ARID3B: variants seen among roughly 807,000 people sequenced by gnomAD.
The protein encoded by ARID3B is AT-rich interaction domain 3B.
In ARID3B, 10 loss-of-function variants were observed where a neutral mutation model predicts 51.9. The observed-to-expected ratio is 0.19, with a 90% confidence interval of 0.12 to 0.33. The LOEUF (loss-of-function observed/expected upper bound fraction) is 0.33, where lower values mean the gene tolerates loss of function less well. Among genes scored for constraint, ARID3B ranks in the 10% least tolerant of loss-of-function variants. The probability of loss-of-function intolerance (pLI) is 1.00; values close to 1 mark genes in which losing one functional copy is unlikely to be tolerated. For missense variants in ARID3B, 483 were observed against 716.3 expected (o/e 0.67, Z 3.72); for synonymous variants, 205 against 279.5 (o/e 0.73, Z 2.66).
At chr15:74,572,521 C>T (rs889139392) in intron 2 of ARID3B, among the ~76,000 whole-genome samples, 6 of 152,188 alleles carry the variant, frequency 3.9e-5, no homozygotes, top group East Asian at 3.8e-4. Context: ...GGCGATCAGC[C>T]GGGAATGAGC....
rs2061724432 is a variant in ARID3B at position 74,572,952 on chromosome 15, G to A, written c.624+19G>A. 6.2e-7 allele frequency: 1 copy of A among 1,613,676 alleles called. No individual in the cohort carries two copies. The highest frequency in any genetic ancestry group is 1.7e-5 in the Admixed American group (1 of 60,004). On this transcript the variant is annotated intron_variant, in intron 3 of 8. Transcript: ENST00000346246. ...TGCCAAGGTCTGTAATACTTCCTTT[G>A]TGATACAGATAGGGGCAGTTCTGCA...
At chr15:74,580,830 G>A (rs2061759488) in intron 4 of ARID3B, among the ~76,000 whole-genome samples, 10 of 152,230 alleles carry the variant, frequency 6.6e-5, no homozygotes, top group Admixed American at 6.5e-4. Context: ...CTCCAAGAGG[G>A]TGGTGGCCTG....
intron 8 of ARID3B, among the ~76,000 whole-genome samples, chr15:74,594,181 G>C (rs554495869): frequency 1.3e-5 from 2 of 152,210 alleles, no homozygotes; most frequent in Non-Finnish European, 2.9e-5. Flanking sequence ...GGGCGCGGTG[G>C]CTCACGCCTG....
intron 4 of ARID3B, among the ~76,000 whole-genome samples, chr15:74,589,250 C>T (rs370093509): frequency 2.0e-4 from 31 of 151,868 alleles, no homozygotes; most frequent in East Asian, 5.8e-4. Flanking sequence ...AGGATGGTCT[C>T]GATCTCCTGA....
Position 74,598,126 on chromosome 15 carries a change from A to T in ARID3B, c.*2352A>T. ...TATTTCAATAAACCTCTACCTCTTC[A>T]CACAAGCAGGTCTCTCTCAGTTGCT... On this transcript the variant is annotated 3_prime_UTR_variant, in exon 9 of 9. Coordinates refer to ENST00000346246, the MANE Select transcript of ARID3B (RefSeq NM_006465.4). 2.2e-6 allele frequency: 1 copy of T among 464,268 alleles called. No homozygotes were observed. The highest frequency in any genetic ancestry group is 4.3e-6 in the Non-Finnish European group (1 of 234,416). The allele number at this position is 464,268 out of a possible 1,614,324, so 28.8% of individuals were successfully genotyped here. A position where few individuals can be genotyped will look rare whatever the true frequency, so the allele number is the denominator to read the frequency against.
At chr15:74,578,425 T>C (rs1008676591) in intron 4 of ARID3B, among the ~76,000 whole-genome samples, 1 of 152,160 alleles carries the variant, frequency 6.6e-6, no homozygotes, top group African/African-American at 2.4e-5. Context: ...TCCGCCCGCG[T>C]CGGCCTCCTA....
At chr15:74,563,915 G>A (rs1259863708) in intron 2 of ARID3B, among the ~76,000 whole-genome samples, 1 of 152,152 alleles carries the variant, frequency 6.6e-6, no homozygotes, top group African/African-American at 2.4e-5. Flanking sequence ...TCTGTGCTTA[G>A]TGGAAAGGTG....
chr15:74,564,800 C>T (rs889153250), intron 2 of ARID3B, among the ~76,000 whole-genome samples: 29 of 151,864 alleles, frequency 1.9e-4, no homozygotes, highest in Admixed American at 4.6e-4. Flanking sequence ...TGGGGTTTCA[C>T]CATGTTGCCA....
chr15:74,572,907 A>G lies in ARID3B; in HGVS notation c.598A>G (p.Arg200Gly). The G allele has an allele frequency of 1.6e-5, 26 of 1,614,210 alleles. No homozygotes were observed. The highest frequency in any genetic ancestry group is 2.2e-5 in the Non-Finnish European group (26 of 1,180,040). The change falls in exon 3 of 9, where the codon AGA (arginine) becomes GGA (glycine). Residue 200 changes from arginine to glycine, a missense_variant. Physicochemically the swap from Arg to Gly is moderately radical, Grantham distance 125. Transcript: ENST00000346246. ...WSDDADGGRG[R>G]EISRDFAKLY... ...TGATGATGCAGATGGAGGCCGGGGA[A>G]GAGAGATCTCTCGAGATTTTGCCAA...
chr15:74,585,698 T>C (rs1460953783), intron 4 of ARID3B, among the ~76,000 whole-genome samples: 2 of 152,242 alleles, frequency 1.3e-5, no homozygotes, highest in Non-Finnish European at 2.9e-5. Context: ...AGTCTGTCGA[T>C]TGCCTATTGG....
Position 74,591,023 on chromosome 15 carries a change from C to T in ARID3B, c.882-128C>T. ...ATCCCAGACTTTTCTGCCAAGTATA[C>T]CAAGGTTGCAATCCTTTGCCCTAGA... On this transcript the variant is annotated intron_variant, in intron 5 of 8. Transcript: ENST00000346246. The surrounding 1 kb of genome is among the most constrained non-coding windows in gnomAD (Gnocchi z 5.8). The T allele has an allele frequency of 7.1e-7, 1 of 1,417,372 alleles. No individual in the cohort carries two copies. Among genetic ancestry groups the T allele is most frequent in the Non-Finnish European group, 9.5e-7 (1 of 1,054,228 alleles). 87.8% of individuals were successfully genotyped at this position (1,417,372 alleles called of 1,614,324 possible).
At chr15:74,548,443 C>T (rs2061623798) in intron 2 of ARID3B, among the ~76,000 whole-genome samples, 1 of 152,172 alleles carries the variant, frequency 6.6e-6, no homozygotes, top group Admixed American at 6.5e-5. Context: ...GGCTGTGATC[C>T]AACCACGGGC....
At chr15:74,573,410 T>C in intron 4 of ARID3B, 1 of 596,142 alleles carries the variant, frequency 1.7e-6, no homozygotes, top group South Asian at 2.0e-5. Context: ...GTAGATGGAA[T>C]GATCGTCCAC....
chr15:74,559,586 C>G (rs1289333671), intron 2 of ARID3B, among the ~76,000 whole-genome samples: 1 of 152,116 alleles, frequency 6.6e-6, no homozygotes, highest in Non-Finnish European at 1.5e-5. Context: ...AGCTTGTGGT[C>G]TCACAGTTGG....
intron 2 of ARID3B, among the ~76,000 whole-genome samples, chr15:74,555,313 G>A (rs913312138): frequency 4.6e-5 from 7 of 152,044 alleles, no homozygotes; most frequent in African/African-American, 1.7e-4. Context: ...CAACAGTGAA[G>A]TTTGCTACGA....
intron 8 of ARID3B, among the ~76,000 whole-genome samples, chr15:74,593,913 A>C (rs2061813439): frequency 6.6e-6 from 1 of 152,022 alleles, no homozygotes; most frequent in Admixed American, 6.6e-5. Context: ...ATGGTGGTGC[A>C]CACCTGTGGT....
At chr15:74,544,926 GTGAT>G (rs1217237346) in intron 2 of ARID3B, among the ~76,000 whole-genome samples, 12 of 152,172 alleles carry the variant, frequency 7.9e-5, no homozygotes, top group African/African-American at 2.6e-4. Flanking sequence ...TCCTGACCCC[GTGAT>G]CTGCCTGCCT....
rs1048882529 is a variant in ARID3B at position 74,597,889 on chromosome 15, G to C, written c.*2115G>C. On this transcript the variant is annotated 3_prime_UTR_variant, in exon 9 of 9. Transcript: ENST00000346246. ...GGTGCCAGCAGGTGCCCCCACGAGT[G>C]GGGCCTTGGCCCAAGCAGAGCTTCC... 1.5e-5 allele frequency: 8 copies of C among 528,800 alleles called. No individual in the cohort carries two copies. Among genetic ancestry groups the C allele is most frequent in the African/African-American group, 1.5e-4 (8 of 53,580 alleles). The allele number at this position is 528,800 out of a possible 1,614,324, so 32.8% of individuals were successfully genotyped here. A position where few individuals can be genotyped will look rare whatever the true frequency, so the allele number is the denominator to read the frequency against.
chr15:74,543,066 T>TG (rs1340783145), intron 1 of ARID3B, among the ~76,000 whole-genome samples: 1 of 152,244 alleles, frequency 6.6e-6, no homozygotes, highest in Non-Finnish European at 1.5e-5. Flanking sequence ...AACTTGTTGT[T>TG]CAGACAATGT....
Sources: allele counts gnomAD v4.1 joint callset (sites outside exome capture counted in the v4.1 genomes callset), GRCh38; gene constraint gnomAD v4.1.1; non-coding constraint Gnocchi (gnomAD v3.1); transcripts MANE v1.5; gene names NCBI Gene and HGNC (gene_info 2026-07-23, HGNC 2026-07-21).